The following ADGRF5 variants were observed in gnomAD, a reference collection of about 807,000 sequenced individuals.
ADGRF5 encodes the protein adhesion G protein-coupled receptor F5.
ADGRF5 carries 75 observed loss-of-function variants against 132.3 expected under a neutral mutation model. That is an observed-to-expected ratio of 0.57 (90% confidence interval 0.47 to 0.69). The LOEUF (loss-of-function observed/expected upper bound fraction) is 0.69. ADGRF5 is among the 30% of genes least tolerant of loss of function. The pLI is 0.00. For synonymous variants in ADGRF5, 629 were observed against 597.6 expected, an observed-to-expected ratio of 1.05 and a Z score of -0.77; for missense variants, 1,516 against 1,630.6, an observed-to-expected ratio of 0.93 and a Z score of 1.21.
intron 1 of ADGRF5, among the ~76,000 whole-genome samples, chr6:46,912,559 G>A (rs220711): frequency 0.36 from 54,566 of 151,792 alleles, 12,031 homozygotes; most frequent in East Asian, 0.48. Context: ...ACAGGATTAG[G>A]TAAGATTGAT....
chr6:46,872,037 C>T (rs754383935), intron 10 of ADGRF5, 24 bp from the exon 11 acceptor site: 6 of 1,553,370 alleles, frequency 3.9e-6, no homozygotes, highest in South Asian at 1.2e-5. Context: ...CAAATTGTTG[C>T]CATCCCAGCT....
In ADGRF5 at chr6:46,873,977, G is replaced by T. The variant is rs373011668; in HGVS notation, c.1241-1964C>A. On this transcript the variant is annotated intron_variant, in intron 10 of 20. Transcript: ENST00000283296. ...TATCCACTCCTACCCATGGTAACTT[G>T]CTCAGACCCCATTATCTGTGGTCTG... 1.4e-4 allele frequency among the ~76,000 whole-genome samples: 22 copies of T among 152,204 alleles called. No homozygotes were observed. In the South Asian group the frequency reaches 3.7e-3, roughly 26 times the overall value.
At chr6:46,906,927 A>C (rs1775438822) in intron 1 of ADGRF5, 141 bp from the exon 2 acceptor site, 2 of 631,968 alleles carry the variant, frequency 3.2e-6, no homozygotes, top group African/African-American at 1.9e-5. Flanking sequence ...AGCATGAAGG[A>C]ATCAACTTAG....
chr6:46,940,836 A>T lies in ADGRF5; in HGVS notation c.-25+13898T>A, dbSNP rs143593772. On this transcript the variant is annotated intron_variant, in intron 1 of 20. Transcript: ENST00000265417. Reference sequence around the variant, plus strand: ...GGTTGGATTTTCTTAAATTACAGAAATAACTAAAAGTTAAAGGAGCACTTA... The same window carrying T: ...GGTTGGATTTTCTTAAATTACAGAATTAACTAAAAGTTAAAGGAGCACTTA... Among the ~76,000 whole-genome samples, 68 of 152,370 alleles carry T rather than the reference A, an allele frequency of 4.5e-4. 1 individual carries two copies. In the East Asian group the frequency reaches 7.1e-3, roughly 16 times the overall value.
chr6:46,927,130 CA>C (rs1222962584), intron 1 of ADGRF5, among the ~76,000 whole-genome samples: 3 of 151,942 alleles, frequency 2.0e-5, no homozygotes, highest in Non-Finnish European at 4.4e-5. Context: ...CTTTGACTCC[CA>C]AAAAAGTTTC....
Position 46,884,079 on chromosome 6 carries a change from A to T in ADGRF5, c.505+16T>A. On this transcript the variant is annotated intron_variant, in intron 5 of 20. Coordinates refer to ENST00000283296, the MANE Select transcript of ADGRF5 (RefSeq NM_001098518.2). ...TGAATAGCCACTCAACGAGCATTTAATGAGCAGTTACTTACCTTCCTGAAG... is the reference window on the plus strand; with the variant it reads ...TGAATAGCCACTCAACGAGCATTTATTGAGCAGTTACTTACCTTCCTGAAG... 6.2e-7 allele frequency: 1 copy of T among 1,606,722 alleles called. No homozygotes were observed. The highest frequency in any genetic ancestry group is 8.5e-7 in the Non-Finnish European group (1 of 1,174,216).
At chr6:46,897,141 T>TACACAC (rs1774263878) in intron 3 of ADGRF5, among the ~76,000 whole-genome samples, 1 of 124,668 alleles carries the variant, frequency 8.0e-6, no homozygotes, top group African/African-American at 4.5e-5. Flanking sequence ...TGCATGCATA[T>TACACAC]ATATACACAC....
At chr6:46,950,633 G>A (rs1397467151) in intron 1 of ADGRF5, among the ~76,000 whole-genome samples, 2 of 152,164 alleles carry the variant, frequency 1.3e-5, no homozygotes, top group Non-Finnish European at 2.9e-5. Flanking sequence ...TCCTGCCTCA[G>A]CCTCCTGAGT....
intron 1 of ADGRF5, among the ~76,000 whole-genome samples, chr6:46,937,520 T>G (rs1268137256): frequency 1.3e-5 from 2 of 152,164 alleles, no homozygotes; most frequent in East Asian, 3.9e-4. Flanking sequence ...TCCCTGATTA[T>G]CTGAGGGGGA....
At chr6:46,862,702 G>GTTTTTTTTTTT (rs1562148328) in intron 15 of ADGRF5, among the ~76,000 whole-genome samples, 186 bp downstream of exon 15, 5 of 34,386 alleles carry the variant, frequency 1.5e-4, no homozygotes, top group African/African-American at 4.3e-4. Context: ...TTGAATTGAG[G>GTTTTTTTTTTT]CTTTTTTTTT....
At chr6:46,907,501 G>A (rs1406803949) in intron 1 of ADGRF5, among the ~76,000 whole-genome samples, 1 of 151,954 alleles carries the variant, frequency 6.6e-6, no homozygotes, top group Admixed American at 6.6e-5. Flanking sequence ...CATCATGCCT[G>A]GCCTTATGTG....
intron 1 of ADGRF5, among the ~76,000 whole-genome samples, chr6:46,941,389 AAG>A (rs1778043137): frequency 6.1e-5 from 1 of 16,492 alleles, no homozygotes; most frequent in South Asian, 2.6e-3. Context: ...GAAAGAAACA[AAG>A]AAAAGAAAAG....
chr6:46,895,116 G>T (rs368208545), intron 3 of ADGRF5, among the ~76,000 whole-genome samples: 1 of 152,134 alleles, frequency 6.6e-6, no homozygotes, highest in Non-Finnish European at 1.5e-5. Context: ...GGCGGAGGTT[G>T]CAGTGAGCCG....
rs541118097 is a variant in ADGRF5, at chr6:46,906,564, A to G, written c.102+97T>C. The G allele has an allele frequency of 5.3e-5, 38 of 713,400 alleles. No individual in the cohort carries two copies. In the South Asian group the frequency reaches 6.2e-4, roughly 12 times the overall value. 44.2% of individuals were successfully genotyped at this position (713,400 alleles called of 1,614,324 possible). On this transcript the variant is annotated intron_variant, in intron 2 of 20. Transcript: ENST00000283296. ...GGAAGAATGTTTTTTCTCCCCCTAAAGTTTTTTCTCCTTAAACTTTTTGTA... is the reference window on the plus strand; with the variant it reads ...GGAAGAATGTTTTTTCTCCCCCTAAGGTTTTTTCTCCTTAAACTTTTTGTA...
intron 4 of ADGRF5, among the ~76,000 whole-genome samples, chr6:46,885,535 G>T (rs1019785839): frequency 6.6e-6 from 1 of 152,334 alleles, no homozygotes; most frequent in South Asian, 2.1e-4. Context: ...GGAAGCCCCA[G>T]TGAGGAAGAA....
intron 12 of ADGRF5, 94 bp downstream of exon 12, chr6:46,868,789 C>A (rs1019439097): frequency 2.8e-5 from 21 of 744,350 alleles, no homozygotes; most frequent in Non-Finnish European, 4.1e-5. Context: ...TTGGCATAGG[C>A]ATGTCTCAAA....
upstream of ADGRF5, among the ~76,000 whole-genome samples, chr6:46,922,363 C>T (rs562415873): frequency 4.6e-5 from 7 of 152,290 alleles, no homozygotes; most frequent in East Asian, 7.7e-4. Context: ...AGTCCTCCCC[C>T]GCGGGAGGGC....
chr6:46,925,554 C>T (rs1415961381), upstream of ADGRF5, among the ~76,000 whole-genome samples: 5 of 64,396 alleles, frequency 7.8e-5, no homozygotes, highest in Admixed American at 1.4e-4. Context: ...GTCAGGAGTT[C>T]GAAACCAGCT....
chr6:46,865,731 GCAGC>G (rs1357770224), intron 13 of ADGRF5, among the ~76,000 whole-genome samples: 2 of 152,210 alleles, frequency 1.3e-5, no homozygotes, highest in African/African-American at 4.8e-5. Context: ...CCTCTGCCAT[GCAGC>G]CTTCTTTAAA....
Sources: allele counts gnomAD v4.1 joint callset (sites outside exome capture counted in the v4.1 genomes callset), GRCh38; gene constraint gnomAD v4.1.1; transcripts MANE v1.5; gene names NCBI Gene and HGNC (gene_info 2026-07-23, HGNC 2026-07-21).